ZNF253: variants seen among roughly 807,000 people sequenced by gnomAD.
The protein encoded by ZNF253 is DNA-binding protein.
Under a neutral mutation model 11.9 loss-of-function variants are expected in ZNF253, and 8 were observed. The observed-to-expected ratio is 0.67, with a 90% CI of 0.40 to 1.22. ZNF253 has a LOEUF of 1.22. ZNF253 is among the 50% of genes most tolerant of loss of function. The pLI, the probability that ZNF253 is intolerant of heterozygous loss-of-function variation, is 0.01. For synonymous variants in ZNF253, 194 were observed against 194.9 expected (o/e 1.00, Z 0.04); for missense variants, 485 against 586.9 (o/e 0.83, Z 1.79).
chr19:19,865,967 C>A lies in ZNF253; in HGVS notation c.-30C>A. The A allele has an allele frequency of 6.2e-7, 1 of 1,614,188 alleles. No individual in the cohort carries two copies. The highest frequency in any genetic ancestry group is 8.5e-7 in the Non-Finnish European group (1 of 1,180,022). On this transcript the variant is annotated 5_prime_UTR_variant, in exon 1 of 4. Coordinates refer to ENST00000589717, the MANE Select transcript of ZNF253 (RefSeq NM_021047.3). The stretch of plus-strand genomic sequence containing the variant: ...CCTGCAAGTATTGGGAGAGCCACAG[C>A]TAAACCCCGGGACCCCTGGAAGCCT...
At chr19:19,881,802 A>C (rs1269353983) in intron 3 of ZNF253, among the ~76,000 whole-genome samples, 2 of 152,096 alleles carry the variant, frequency 1.3e-5, no homozygotes, top group Non-Finnish European at 2.9e-5. Flanking sequence ...ATCTACAGAC[A>C]GCAACTTTTT....
chr19:19,878,439 C>T (rs928149469), intron 1 of ZNF253, 42 bp from the exon 2 acceptor site: 2 of 1,612,778 alleles, frequency 1.2e-6, no homozygotes, highest in African/African-American at 2.7e-5. Context: ...AAAAATTCCT[C>T]TCATGCCATT....
Position 19,892,232 on chromosome 19 carries a change from A to C in ZNF253, c.985A>C (p.Ile329Leu), listed in dbSNP as rs746117677. ...CTTTAAGCACTGCTCTAACCTTACT[A>C]TACATAAGAGAATTCATACAGGAGA... Reference protein sequence around the residue: ...KSFKHCSNLTIHKRIHTGEKP... With the variant: ...KSFKHCSNLTLHKRIHTGEKP... Residue 329 changes from isoleucine (I) to leucine (L), a missense_variant, in exon 4 of 4, where the codon ATA (isoleucine) becomes CTA (leucine). Ile to Leu is a conservative substitution (Grantham distance 5). Around this residue, in one of 3 missense-constraint regions of ZNF253, gnomAD observed 232 missense variants for 321.4 expected, o/e 0.72. Coordinates refer to ENST00000589717, the MANE Select transcript of ZNF253 (RefSeq NM_021047.3). The C allele has an allele frequency of 6.2e-7, 1 of 1,613,864 alleles. No homozygotes were observed. Among genetic ancestry groups the C allele is most frequent in the Non-Finnish European group, 8.5e-7 (1 of 1,179,926 alleles).
At chr19:19,890,498 TTGTGTGTGTGTGTGTGTGTG>T (rs35114806) in intron 3 of ZNF253, among the ~76,000 whole-genome samples, 3 of 141,044 alleles carry the variant, frequency 2.1e-5, no homozygotes, top group South Asian at 2.3e-4. Context: ...CAATTTATAT[TTGTGTGTGTGTGTGTGTGTG>T]TGTGTGTGTG....
chr19:19,872,569 ATATATATATATTAT>A (rs928033418), intron 1 of ZNF253, among the ~76,000 whole-genome samples: 2 of 114,460 alleles, frequency 1.7e-5, no homozygotes, highest in African/African-American at 1.0e-4. Context: ...AACTATATAT[ATATATATATATTAT>A]TATATATATA....
At position 19,891,881 on chromosome 19, in the gene ZNF253, T is replaced by A. The variant is rs1254027466; in HGVS notation, c.634T>A (p.Ser212Thr). 1 of 1,613,920 alleles carries A rather than the reference T, an allele frequency of 6.2e-7. No individual in the cohort carries two copies. The highest frequency in any genetic ancestry group is 8.5e-7 in the Non-Finnish European group (1 of 1,179,952). Reference sequence around the variant, plus strand: ...AGAATGTGGCAAAGCTTTTAACCAATCTGCAAACCTTACTACACATAAGAG... The same window carrying A: ...AGAATGTGGCAAAGCTTTTAACCAAACTGCAAACCTTACTACACATAAGAG... Reference protein sequence around the residue: ...CEECGKAFNQSANLTTHKRIH... With the variant: ...CEECGKAFNQTANLTTHKRIH... Residue 212 changes from serine (S) to threonine (T), a missense_variant, in exon 4 of 4, where the codon TCT (serine) becomes ACT (threonine). Around this residue, in one of 3 missense-constraint regions of ZNF253, gnomAD observed 218 missense variants for 213.1 expected, o/e 1.02. Coordinates refer to ENST00000589717, the MANE Select transcript of ZNF253 (RefSeq NM_021047.3).
Position 19,874,370 on chromosome 19 carries a change from A to C in ZNF253, c.4-4111A>C, listed in dbSNP as rs1041217769. Among the ~76,000 whole-genome samples the C allele has an allele frequency of 5.9e-5, 9 of 152,168 alleles. No individual in the cohort carries two copies. The East Asian group carries it at 1.8e-3, about 30-fold the overall frequency. The stretch of plus-strand genomic sequence containing the variant: ...GAAACGCTGTCTTTACTAAAAATAC[A>C]AAAATTAGCTAGGCATGGCGGCACA... On this transcript the variant is annotated intron_variant, in intron 1 of 3. Transcript: ENST00000589717.
At chr19:19,875,487 CTGGG>C (rs2063151292) in intron 1 of ZNF253, among the ~76,000 whole-genome samples, 4 of 151,466 alleles carry the variant, frequency 2.6e-5, no homozygotes, top group Non-Finnish European at 5.9e-5. Context: ...GCTCTGCCTC[CTGGG>C]TTCACGCCAT....
intron 1 of ZNF253, among the ~76,000 whole-genome samples, chr19:19,873,488 T>C (rs142541395): frequency 0.014 from 2,191 of 152,254 alleles, 35 homozygotes; most frequent in Non-Finnish European, 0.023. Flanking sequence ...CAGAGCAGAA[T>C]TGTGTCAGGC....
rs1568498686 is a variant in ZNF253 at position 19,885,265 on chromosome 19, T to TTC, written c.226+5121_226+5122dup. Among the ~76,000 whole-genome samples the TTC allele has an allele frequency of 2.9e-5, 2 of 67,908 alleles. 1 individual carries two copies. The highest frequency in any genetic ancestry group is 9.1e-4 in the South Asian group (2 of 2,204). The allele number at this position is 67,908 out of a possible 152,430, so 44.6% of individuals were successfully genotyped here. A position where few individuals can be genotyped will look rare whatever the true frequency, so the allele number is the denominator to read the frequency against. ...TTTCTTTCTTTCTTTCTTTCTTTCT[T>TTC]TCTTTCTTTCTTTCTTTCTTTCTTT... On this transcript the variant is annotated intron_variant, in intron 3 of 3. Coordinates refer to ENST00000589717, the MANE Select transcript of ZNF253 (RefSeq NM_021047.3).
chr19:19,887,089 G>A (rs2122133879), intron 3 of ZNF253, among the ~76,000 whole-genome samples: 1 of 151,996 alleles, frequency 6.6e-6, no homozygotes, highest in Admixed American at 6.6e-5. Context: ...TCTCATGGTA[G>A]TATTTGACTT....
At chr19:19,889,719 A>G (rs1430750089) in intron 3 of ZNF253, among the ~76,000 whole-genome samples, 1 of 151,924 alleles carries the variant, frequency 6.6e-6, no homozygotes, top group African/African-American at 2.4e-5. Context: ...CACTCACTGC[A>G]AGCTTCCCAT....
In ZNF253 at chr19:19,893,792, A is replaced by T. The variant is rs1599561598; in HGVS notation, c.*1045A>T. On this transcript the variant is annotated 3_prime_UTR_variant, in exon 4 of 4. Transcript: ENST00000589717. ...TATTCTGAAGACAGCCATTACAAATATAAAGGGGGTTGTAGTGCCTTTACT... is the reference window on the plus strand; with the variant it reads ...TATTCTGAAGACAGCCATTACAAATTTAAAGGGGGTTGTAGTGCCTTTACT... 1 of 152,354 alleles carries T rather than the reference A, an allele frequency of 6.6e-6. No individual in the cohort carries two copies. The highest frequency in any genetic ancestry group is 3.4e-3 in the Middle Eastern group (1 of 294). 9.4% of individuals were successfully genotyped at this position (152,354 alleles called of 1,614,324 possible).
intron 1 of ZNF253, among the ~76,000 whole-genome samples, chr19:19,869,687 TAA>T (rs35061008): frequency 0.14 from 12,041 of 85,152 alleles, 1,898 homozygotes; most frequent in African/African-American, 0.41. Context: ...TTTTTTTTTT[TAA>T]AAAACAGTCT....
At position 19,865,897 on chromosome 19, in the gene ZNF253, T is replaced by TCTGTGTC; in HGVS notation, c.-94_-88dup. ...GGAGCTCCAGGTTTATCCTCAGTGT[T>TCTGTGTC]CTGTGTCCTGTGCTTATAGAGGCCC... is the stretch of plus-strand genomic sequence containing the variant. On this transcript the variant is annotated 5_prime_UTR_variant, in exon 1 of 4. Transcript: ENST00000589717. 1 of 1,461,074 alleles carries TCTGTGTC rather than the reference T, an allele frequency of 6.8e-7. No homozygotes were observed. Among genetic ancestry groups the TCTGTGTC allele is most frequent in the Non-Finnish European group, 9.6e-7 (1 of 1,040,556 alleles). The allele number at this position is 1,461,074 out of a possible 1,614,324, so 90.5% of individuals were successfully genotyped here. A position where few individuals can be genotyped will look rare whatever the true frequency, so the allele number is the denominator to read the frequency against.
At chr19:19,878,877 G>C (rs2063166263) in intron 2 of ZNF253, among the ~76,000 whole-genome samples, 1 of 152,080 alleles carries the variant, frequency 6.6e-6, no homozygotes, top group African/African-American at 2.4e-5. Context: ...AAACGCTAGA[G>C]GTGATGGATA....
chr19:19,889,027 T>C (rs2063218094), intron 3 of ZNF253, among the ~76,000 whole-genome samples: 1 of 152,126 alleles, frequency 6.6e-6, no homozygotes, highest in South Asian at 2.1e-4. Flanking sequence ...CTTATAAGAC[T>C]ATGCTTATAA....
At chr19:19,871,285 C>A (rs1355188911) in intron 1 of ZNF253, 1 of 152,586 alleles carries the variant, frequency 6.6e-6, no homozygotes, top group African/African-American at 2.4e-5. Context: ...CAGCTCAGGC[C>A]TCACTCTGAT....
upstream of ZNF253, chr19:19,865,850 G>A (rs1055043954): frequency 9.8e-7 from 1 of 1,023,832 alleles, no homozygotes; most frequent in East Asian, 2.4e-5. Context: ...GTTTCTGGGG[G>A]CCTTTGTTTC....
Sources: gnomAD v4.1 joint callset for allele counts (sites outside exome capture counted in the v4.1 genomes callset) on GRCh38, gnomAD v4.1.1 for gene constraint, gnomAD v4.1.1 regional missense constraint, MANE v1.5 for transcripts, NCBI Gene and HGNC (gene_info 2026-07-23, HGNC 2026-07-21) for gene names.